Variants in TSHZ1 observed in about 807,000 individuals in gnomAD.
TSHZ1 encodes the protein teashirt zinc finger homeobox 1.
In TSHZ1, 12 loss-of-function variants were observed where a neutral mutation model predicts 67.1. That is an observed-to-expected ratio of 0.18 (90% CI 0.11 to 0.29). The LOEUF is 0.29. Among genes scored for constraint, TSHZ1 ranks in the 10% least tolerant of loss-of-function variants. The pLI, the probability that TSHZ1 is intolerant of heterozygous loss-of-function variation, is 1.00. For synonymous variants in TSHZ1, 632 were observed against 622.4 expected, an observed-to-expected ratio of 1.02 and a Z score of -0.23; for missense variants, 1,305 against 1,413.9, an observed-to-expected ratio of 0.92 and a Z score of 1.23.
chr18:75,260,240 G>T (rs1177889494), intron 1 of TSHZ1, among the ~76,000 whole-genome samples: 2 of 152,182 alleles, frequency 1.3e-5, no homozygotes, highest in African/African-American at 4.8e-5. Flanking sequence ...CATTTCAATA[G>T]CAAATATTTA....
At chr18:75,227,579 C>A (rs1394617827) in intron 1 of TSHZ1, among the ~76,000 whole-genome samples, 2 of 152,018 alleles carry the variant, frequency 1.3e-5, no homozygotes, top group African/African-American at 4.8e-5. Context: ...ATGTTTTTTT[C>A]TCTTGAAGAG....
In TSHZ1 at chr18:75,286,576, T is replaced by A. The variant is rs780468421; in HGVS notation, c.1169T>A (p.Val390Asp). ...GATCAGAAAGCAGCGAACCCGTACGTCACGCCCAATAACCGCTATGGCTAC... is the reference window on the plus strand; with the variant it reads ...GATCAGAAAGCAGCGAACCCGTACGACACGCCCAATAACCGCTATGGCTAC... ...AKDQKAANPY[V>D]TPNNRYGYQN... The change falls in exon 2 of 2, where the codon GTC (valine) becomes GAC (aspartate). Residue 390 changes from valine (V) to aspartate (D), a missense_variant. Val to Asp is a radical substitution (Grantham distance 152). Around this residue, in one of 3 missense-constraint regions of TSHZ1, gnomAD observed 909 missense variants for 961.8 expected, o/e 0.95. Transcript: ENST00000580243. The surrounding 1 kb of genome is among the most constrained non-coding windows in gnomAD (Gnocchi z 5.1). 1.2e-6 allele frequency: 2 copies of A among 1,614,184 alleles called. No homozygotes were observed. Among genetic ancestry groups the A allele is most frequent in the Non-Finnish European group, 1.7e-6 (2 of 1,180,034 alleles).
At chr18:75,250,848 G>A (rs933317599) in intron 1 of TSHZ1, among the ~76,000 whole-genome samples, 5 of 152,206 alleles carry the variant, frequency 3.3e-5, no homozygotes, top group Admixed American at 6.5e-5. Flanking sequence ...GTGCCTGTGG[G>A]AGGGCGGAGG....
intron 1 of TSHZ1, among the ~76,000 whole-genome samples, chr18:75,269,626 G>T (rs1340123514): frequency 6.6e-6 from 1 of 152,112 alleles, no homozygotes; most frequent in Non-Finnish European, 1.5e-5. Context: ...TTTTTCTATT[G>T]TAGTAAAATG....
chr18:75,257,879 A>G (rs535543585), intron 1 of TSHZ1, among the ~76,000 whole-genome samples: 1 of 152,302 alleles, frequency 6.6e-6, no homozygotes, highest in South Asian at 2.1e-4. Flanking sequence ...GTAAAATGAT[A>G]GAGCTGTTGT....
At chr18:75,237,564 A>G (rs948339645) in intron 1 of TSHZ1, among the ~76,000 whole-genome samples, 6 of 152,102 alleles carry the variant, frequency 3.9e-5, no homozygotes, top group Admixed American at 3.9e-4. Flanking sequence ...ATGCATGCAT[A>G]TATATGTGTG....
At position 75,288,643 on chromosome 18, in the gene TSHZ1, G is replaced by A. The variant is rs752619240; in HGVS notation, c.*2G>A. ...GTGACTGAGTTGGAGAAACAGTAGC[G>A]TCCAGGTATGCAAGAGACCGCGGAA... On this transcript the variant is annotated 3_prime_UTR_variant, in exon 2 of 2. Transcript: ENST00000580243. This position sits in a 1 kb window ranked among gnomAD's most constrained non-coding sequence, Gnocchi z 4.9. 3.2e-5 allele frequency: 50 copies of A among 1,582,534 alleles called. No individual in the cohort carries two copies. Among genetic ancestry groups the A allele is most frequent in the Non-Finnish European group, 3.8e-5 (44 of 1,164,706 alleles).
At chr18:75,230,519 AT>A (rs1568354613) in intron 1 of TSHZ1, among the ~76,000 whole-genome samples, 1 of 152,124 alleles carries the variant, frequency 6.6e-6, no homozygotes, top group Admixed American at 6.5e-5. Flanking sequence ...TTGTTTTTTA[AT>A]TTTTTTCTTG....
intron 1 of TSHZ1, among the ~76,000 whole-genome samples, chr18:75,242,636 T>A (rs1018721762): frequency 2.0e-5 from 3 of 152,268 alleles, no homozygotes; most frequent in Admixed American, 6.5e-5. Context: ...AGCTGATGTC[T>A]GCTACATAGG....
intron 1 of TSHZ1, among the ~76,000 whole-genome samples, chr18:75,236,154 C>T (rs569856388): frequency 6.6e-6 from 1 of 152,250 alleles, no homozygotes; most frequent in African/African-American, 2.4e-5. Flanking sequence ...CTGGCCACCA[C>T]CCTGCAGCCC....
intron 1 of TSHZ1, among the ~76,000 whole-genome samples, chr18:75,257,497 G>C (rs1322978385): frequency 6.6e-6 from 1 of 152,122 alleles, no homozygotes; most frequent in Non-Finnish European, 1.5e-5. Context: ...CTTTCTGTGA[G>C]AAAATGTTTT....
At chr18:75,273,171 A>G (rs1403893011) in intron 1 of TSHZ1, among the ~76,000 whole-genome samples, 3 of 152,262 alleles carry the variant, frequency 2.0e-5, no homozygotes, top group African/African-American at 7.2e-5. Context: ...GCTCTTTAGC[A>G]AAGCACCCAC....
chr18:75,215,259 G>A (rs1401167768), intron 1 of TSHZ1, among the ~76,000 whole-genome samples: 4 of 152,204 alleles, frequency 2.6e-5, no homozygotes, highest in Non-Finnish European at 2.9e-5. Context: ...ATCTGTACCA[G>A]AGAATGTCGC....
chr18:75,217,466 G>A (rs143113663), intron 1 of TSHZ1, among the ~76,000 whole-genome samples: 501 of 152,024 alleles, frequency 3.3e-3, no homozygotes, highest in African/African-American at 0.012. Context: ...TTTTGTTTTG[G>A]TTTCTTGTTT....
At chr18:75,239,485 G>A (rs1186335022) in intron 1 of TSHZ1, among the ~76,000 whole-genome samples, 1 of 152,136 alleles carries the variant, frequency 6.6e-6, no homozygotes, top group South Asian at 2.1e-4. Context: ...ATCTCCTTGA[G>A]TGAGATTAAA....
intron 1 of TSHZ1, among the ~76,000 whole-genome samples, chr18:75,253,009 C>T (rs2023322568): frequency 6.6e-6 from 1 of 152,170 alleles, no homozygotes; most frequent in African/African-American, 2.4e-5. Context: ...TTCTGGAATA[C>T]TCAGCATCTT....
chr18:75,270,911 C>T, intron 1 of TSHZ1, among the ~76,000 whole-genome samples: 1 of 152,162 alleles, frequency 6.6e-6, no homozygotes, highest in Non-Finnish European at 1.5e-5. Flanking sequence ...TGAGCAGAAC[C>T]AAAGGAGGCC....
At chr18:75,267,110 T>G (rs2023498541) in intron 1 of TSHZ1, among the ~76,000 whole-genome samples, 1 of 152,228 alleles carries the variant, frequency 6.6e-6, no homozygotes, top group Non-Finnish European at 1.5e-5. Context: ...ACAAATTGCA[T>G]GGCTCTATTT....
chr18:75,260,849 C>T (rs577447028), intron 1 of TSHZ1, among the ~76,000 whole-genome samples: 16 of 152,264 alleles, frequency 1.1e-4, no homozygotes, highest in African/African-American at 2.6e-4. Flanking sequence ...TCTCCAAGTT[C>T]GAGGCACCCA....
Sources: allele counts gnomAD v4.1 joint callset (sites outside exome capture counted in the v4.1 genomes callset), GRCh38; gene constraint gnomAD v4.1.1; regional missense constraint gnomAD v4.1.1; non-coding constraint Gnocchi (gnomAD v3.1); transcripts MANE v1.5; gene names NCBI Gene and HGNC (gene_info 2026-07-23, HGNC 2026-07-21).